The following ANKRD30A variants were observed in gnomAD, a reference collection of about 807,000 sequenced individuals.
ANKRD30A encodes ankyrin repeat domain 30A, also known as ankyrin repeat domain-containing protein 30A.
A neutral mutation model predicts 166.3 loss-of-function variants in ANKRD30A; 170 were observed. The observed-to-expected ratio is 1.02, with a 90% CI of 0.90 to 1.16. The LOEUF is 1.16. Ranked by LOEUF, ANKRD30A falls within the 50% of genes most tolerant of loss-of-function variation. The pLI, the probability that ANKRD30A is intolerant of heterozygous loss-of-function variation, is 0.00. For synonymous variants in ANKRD30A, 564 were observed against 508.9 expected (o/e 1.11, Z -1.46); for missense variants, 1,630 against 1,518.0 (o/e 1.07, Z -1.23).
chr10:37,218,547 A>G (rs1369237488), intron 33 of ANKRD30A, among the ~76,000 whole-genome samples: 7 of 151,004 alleles, frequency 4.6e-5, no homozygotes, highest in African/African-American at 1.7e-4. Flanking sequence ...TATTATCAGG[A>G]AAAAGGAACT....
At chr10:37,147,168 C>T (rs1281332857) in intron 8 of ANKRD30A, among the ~76,000 whole-genome samples, 1 of 152,224 alleles carries the variant, frequency 6.6e-6, no homozygotes, top group Non-Finnish European at 1.5e-5. Flanking sequence ...GAGTCAATAG[C>T]TGCATGAAGA....
rs748866515 is a variant in ANKRD30A, at chr10:37,142,172, T to C, written c.1275T>C (p.Pro425=). ...RKIAWEKKET[P]VKTGCVARVT... ...TCGCATGGGAGAAAAAAGAAACACCTGTAAAGACTGGATGCGTGGCAAGAG... is the reference window on the plus strand; with the variant it reads ...TCGCATGGGAGAAAAAAGAAACACCCGTAAAGACTGGATGCGTGGCAAGAG... The change falls in exon 7 of 36, where the codon CCT becomes CCC. Residue 425 remains proline (P), a synonymous_variant. Transcript: ENST00000361713. The C allele has an allele frequency of 1.9e-6, 3 of 1,614,010 alleles. No homozygotes were observed. Among genetic ancestry groups the C allele is most frequent in the East Asian group, 2.2e-5 (1 of 44,882 alleles).
In ANKRD30A at chr10:37,142,255, C is replaced by G. The variant is rs573771342; in HGVS notation, c.1358C>G (p.Pro453Arg). The G allele has an allele frequency of 1.3e-6, 2 of 1,598,696 alleles. No individual in the cohort carries two copies. The highest frequency in any genetic ancestry group is 2.7e-5 in the African/African-American group (2 of 73,612). The change falls in exon 7 of 36, where the codon CCT (proline) becomes CGT (arginine). Residue 453 changes from proline (P) to arginine (R), a missense_variant. By Grantham distance (103) the Pro-to-Arg change is moderately radical. Around this residue, in one of 4 missense-constraint regions of ANKRD30A, gnomAD observed 904 missense variants for 818.5 expected, o/e 1.10. Coordinates refer to ENST00000361713, the MANE Select transcript of ANKRD30A (RefSeq NM_052997.3). ...EKGRSKMIAC[P>R]TKESSTKASA... ...GGAAGATCTAAGATGATTGCATGTC[C>G]TACAAAAGAATCATCTACAAAAGCA...
At chr10:37,243,941 A>G in the ANKRD30A span, among the ~76,000 whole-genome samples, 4 of 152,086 alleles carry the variant, frequency 2.6e-5, no homozygotes, top group Non-Finnish European at 4.4e-5. Flanking sequence ...ACCACTTACC[A>G]TTATGCAGTT....
Position 37,136,670 on chromosome 10 carries a change from A to G in ANKRD30A, c.819A>G (p.Pro273=), listed in dbSNP as rs777539516. 23 of 1,417,342 alleles carry G rather than the reference A, an allele frequency of 1.6e-5. No individual in the cohort carries two copies. The highest frequency in any genetic ancestry group is 2.1e-5 in the Non-Finnish European group (22 of 1,030,322). 87.8% of individuals were successfully genotyped at this position (1,417,342 alleles called of 1,614,324 possible). ...CTAAAAATCATCAAAATACCAATCC[A>G]GGTAAGACTTCTGATAGTAAACTAC... is the stretch of plus-strand genomic sequence containing the variant. ...KLSKNHQNTN[P]EGTSAGTPDE... The change falls in exon 6 of 36, where the codon CCA becomes CCG. Residue 273 remains proline, a splice_region_variant and synonymous_variant. Transcript: ENST00000361713.
In ANKRD30A at chr10:37,231,976, A is replaced by T. The variant is rs917533696; in HGVS notation, c.*211+296A>T. 2.6e-5 allele frequency among the ~76,000 whole-genome samples: 4 copies of T among 152,134 alleles called. No individual in the cohort carries two copies. The East Asian group carries it at 7.7e-4, about 29-fold the overall frequency. Reference sequence around the variant, plus strand: ...TAGAAAGGGAATATTATTTCCTAGTAACTAAATATATACTTTGAGATGTTT... The same window carrying T: ...TAGAAAGGGAATATTATTTCCTAGTTACTAAATATATACTTTGAGATGTTT... On this transcript the variant is annotated intron_variant, in intron 35 of 35. Transcript: ENST00000361713.
chr10:37,229,456 C>A (rs553843396), intron 34 of ANKRD30A, among the ~76,000 whole-genome samples: 9 of 152,018 alleles, frequency 5.9e-5, no homozygotes, highest in African/African-American at 1.9e-4. Flanking sequence ...ATCAAGATAA[C>A]TAATATATTC....
At chr10:37,202,772 T>A (rs1841728376) in intron 31 of ANKRD30A, among the ~76,000 whole-genome samples, 1 of 150,846 alleles carries the variant, frequency 6.6e-6, no homozygotes, top group Non-Finnish European at 1.5e-5. Flanking sequence ...GTGAGAAGAA[T>A]CAAATAGACA....
chr10:37,152,491 T>G (rs1838028755), intron 12 of ANKRD30A, among the ~76,000 whole-genome samples: 1 of 152,082 alleles, frequency 6.6e-6, no homozygotes, highest in African/African-American at 2.4e-5. Context: ...AAGTTCTAAT[T>G]GGATGCATAG....
rs2997346 is a variant in ANKRD30A at position 37,197,496 on chromosome 10, T to A, written c.2716+16T>A. 1.2e-6 allele frequency: 2 copies of A among 1,611,960 alleles called. No individual in the cohort carries two copies. The highest frequency in any genetic ancestry group is 1.1e-5 in the South Asian group (1 of 90,978). ...TTGAGAGCAGGTACATTTTTCAATGTAACTATGCGAAGACCAATATTTCAA... is the reference window on the plus strand; with the variant it reads ...TTGAGAGCAGGTACATTTTTCAATGAAACTATGCGAAGACCAATATTTCAA... On this transcript the variant is annotated intron_variant, in intron 29 of 35. Coordinates refer to ENST00000361713, the MANE Select transcript of ANKRD30A (RefSeq NM_052997.3).
chr10:37,202,303 C>T (rs1841676909), intron 31 of ANKRD30A, among the ~76,000 whole-genome samples: 1 of 152,078 alleles, frequency 6.6e-6, no homozygotes, highest in African/African-American at 2.4e-5. Context: ...GACCACAGTG[C>T]AATAAAACTA....
chr10:37,224,640 G>T (rs1588957497), intron 34 of ANKRD30A, among the ~76,000 whole-genome samples: 1 of 151,334 alleles, frequency 6.6e-6, no homozygotes, highest in African/African-American at 2.4e-5. Context: ...TTTTCAATTT[G>T]CTGAGAACTT....
At chr10:37,252,798 G>T in the ANKRD30A span, among the ~76,000 whole-genome samples, 2 of 152,042 alleles carry the variant, frequency 1.3e-5, no homozygotes, top group African/African-American at 4.8e-5. Flanking sequence ...AGTATTAAAG[G>T]CGCTAATATA....
chr10:37,206,869 C>CA lies in ANKRD30A; in HGVS notation c.2869+5550dup, dbSNP rs1274723347. On this transcript the variant is annotated intron_variant, in intron 31 of 35. Coordinates refer to ENST00000361713, the MANE Select transcript of ANKRD30A (RefSeq NM_052997.3). ...AAATCAGACTGATTTTAGAAACAAA[C>CA]AAAAAATGCTAAATTTATTACTTGA... is the stretch of plus-strand genomic sequence containing the variant. 6.6e-5 allele frequency among the ~76,000 whole-genome samples: 10 copies of CA among 151,812 alleles called. 1 individual carries two copies. Among genetic ancestry groups the CA allele is most frequent in the Admixed American group, 6.6e-4 (10 of 15,236 alleles).
At chr10:37,194,047 G>A (rs988422087) in intron 27 of ANKRD30A, among the ~76,000 whole-genome samples, 24 of 151,976 alleles carry the variant, frequency 1.6e-4, no homozygotes, top group African/African-American at 3.1e-4. Flanking sequence ...ATAACAAAAA[G>A]TAGCCGGTTG....
chr10:37,218,253 T>A (rs543989328), intron 33 of ANKRD30A, among the ~76,000 whole-genome samples: 48 of 151,070 alleles, frequency 3.2e-4, no homozygotes, highest in Non-Finnish European at 6.2e-4. Context: ...TGGTTTTCTA[T>A]GTAGGGCTCT....
intron 13 of ANKRD30A, among the ~76,000 whole-genome samples, chr10:37,154,142 T>C (rs1838177767): frequency 1.3e-5 from 2 of 152,198 alleles, no homozygotes; most frequent in Non-Finnish European, 2.9e-5. Flanking sequence ...TTAATGTCTT[T>C]CTCACTGGTG....
chr10:37,162,200 A>G (rs1320865513), intron 15 of ANKRD30A, among the ~76,000 whole-genome samples: 1 of 152,166 alleles, frequency 6.6e-6, no homozygotes. Flanking sequence ...CAAGCTGAAC[A>G]ATTCATAACA....
rs538658592 is a variant in ANKRD30A at position 37,216,203 on chromosome 10, C to T, written c.2892C>T (p.Ile964=). 2.5e-6 allele frequency: 4 copies of T among 1,602,580 alleles called. No individual in the cohort carries two copies. The highest frequency in any genetic ancestry group is 4.5e-5 in the East Asian group (2 of 44,622). ...KLEDSTSLSK[I]LDTVHSCERA... is the part of the protein sequence containing the mutation. The stretch of plus-strand genomic sequence containing the variant: ...CAGATTCAACTAGCCTATCAAAAAT[C>T]TTGGATACAGTTCATTCTTGTGAAA... The change falls in exon 32 of 36, where the codon ATC becomes ATT. Residue 964 remains isoleucine, a synonymous_variant. Transcript: ENST00000361713.
Sources: allele counts gnomAD v4.1 joint callset (sites outside exome capture counted in the v4.1 genomes callset), GRCh38; gene constraint gnomAD v4.1.1; regional missense constraint gnomAD v4.1.1; transcripts MANE v1.5; gene names NCBI Gene and HGNC (gene_info 2026-07-23, HGNC 2026-07-21).